Variants in PRKACB observed in about 807,000 individuals in gnomAD.
PRKACB encodes the protein cAMP-dependent protein kinase catalytic subunit beta.
A neutral mutation model predicts 51.4 loss-of-function variants in PRKACB; 16 were observed. The observed-to-expected ratio is 0.31, with a 90% confidence interval of 0.21 to 0.47. The LOEUF is 0.47. Ranked by LOEUF, PRKACB falls within the 20% of genes least tolerant of loss-of-function variation. PRKACB has a pLI of 1.00. For synonymous variants in PRKACB, 147 were observed against 154.4 expected, an observed-to-expected ratio of 0.95 and a Z score of 0.35; for missense variants, 309 against 464.5, an observed-to-expected ratio of 0.67 and a Z score of 3.08.
chr1:84,217,876 T>C (rs1256169808), intron 9 of PRKACB, among the ~76,000 whole-genome samples: 1 of 152,212 alleles, frequency 6.6e-6, no homozygotes, highest in Non-Finnish European at 1.5e-5. Flanking sequence ...AACTCTAACT[T>C]ATTTTTTGTT....
intron 4 of PRKACB, among the ~76,000 whole-genome samples, chr1:84,184,699 TGAA>T (rs1472589921): frequency 6.6e-6 from 1 of 151,956 alleles, no homozygotes; most frequent in African/African-American, 2.4e-5. Flanking sequence ...TTAAATTAAA[TGAA>T]GACCTATGTA....
At chr1:84,207,889 A>G (rs138225572) in intron 8 of PRKACB, among the ~76,000 whole-genome samples, 99 of 151,680 alleles carry the variant, frequency 6.5e-4, no homozygotes, top group African/African-American at 2.4e-3. Context: ...CTTTTTTGAG[A>G]TGGAATCTTG....
chr1:84,175,520 A>G (rs1406972654), intron 1 of PRKACB, among the ~76,000 whole-genome samples: 1 of 151,808 alleles, frequency 6.6e-6, no homozygotes. Flanking sequence ...AAATGTTAAT[A>G]GTGAAACATT....
intron 9 of PRKACB, among the ~76,000 whole-genome samples, chr1:84,221,193 G>T (rs1673648952): frequency 6.6e-6 from 1 of 151,938 alleles, no homozygotes; most frequent in African/African-American, 2.4e-5. Context: ...ATGTGTCCAA[G>T]AATTTATCTA....
intron 9 of PRKACB, among the ~76,000 whole-genome samples, chr1:84,219,091 G>T (rs1673290515): frequency 6.6e-6 from 1 of 152,114 alleles, no homozygotes; most frequent in Non-Finnish European, 1.5e-5. Flanking sequence ...TCAACAGGTT[G>T]TCTCTTTACT....
At chr1:84,224,670 G>T (rs1177457833) in intron 9 of PRKACB, among the ~76,000 whole-genome samples, 2 of 152,094 alleles carry the variant, frequency 1.3e-5, no homozygotes, top group Non-Finnish European at 2.9e-5. Context: ...GTGCACGTGG[G>T]CACAGGCTGT....
At chr1:84,209,384 C>G (rs925344747) in intron 8 of PRKACB, among the ~76,000 whole-genome samples, 1 of 152,134 alleles carries the variant, frequency 6.6e-6, no homozygotes, top group African/African-American at 2.4e-5. Flanking sequence ...CACCCACCCC[C>G]CTCCACGAAG....
At chr1:84,128,095 A>G (rs1364202156) in intron 1 of PRKACB, among the ~76,000 whole-genome samples, 2 of 124,028 alleles carry the variant, frequency 1.6e-5, no homozygotes, top group Non-Finnish European at 3.3e-5. Flanking sequence ...TGCAACCTTC[A>G]CCTCCCAGGT....
chr1:84,210,820 C>T (rs1672018908), intron 8 of PRKACB, among the ~76,000 whole-genome samples: 1 of 152,084 alleles, frequency 6.6e-6, no homozygotes, highest in Non-Finnish European at 1.5e-5. Flanking sequence ...TCACTAATTC[C>T]AGTTTGATAA....
chr1:84,110,504 CT>C (rs986894056), intron 1 of PRKACB, among the ~76,000 whole-genome samples: 8 of 151,770 alleles, frequency 5.3e-5, no homozygotes, highest in Non-Finnish European at 7.4e-5. Flanking sequence ...CAAAACCAAA[CT>C]TTTTAATTAG....
At chr1:84,119,608 A>T (rs990087810) in intron 1 of PRKACB, among the ~76,000 whole-genome samples, 4 of 152,146 alleles carry the variant, frequency 2.6e-5, no homozygotes, top group Non-Finnish European at 5.9e-5. Context: ...ATATTCACTC[A>T]TATCATTTAG....
chr1:84,130,832 T>C (rs536718642), intron 1 of PRKACB, among the ~76,000 whole-genome samples: 1 of 152,296 alleles, frequency 6.6e-6, no homozygotes, highest in Non-Finnish European at 1.5e-5. Flanking sequence ...TGGAACTTCA[T>C]GAAGGAAAGG....
chr1:84,127,908 T>C lies in PRKACB; in HGVS notation c.46+49537T>C, dbSNP rs76810407. ...ATTTTTTGTTTAAAGTAAGCCAATT[T>C]GCCAAATTTTACATTGTGTAAAAAA... On this transcript the variant is annotated intron_variant, in intron 1 of 8. Coordinates refer to the PRKACB transcript ENST00000370688. 2.0e-5 allele frequency among the ~76,000 whole-genome samples: 3 copies of C among 152,020 alleles called. No individual in the cohort carries two copies. The East Asian group carries it at 5.8e-4, about 29-fold the overall frequency.
chr1:84,130,121 C>T (rs142693071), intron 1 of PRKACB, among the ~76,000 whole-genome samples: 1,986 of 129,784 alleles, frequency 0.015, 49 homozygotes, highest in African/African-American at 0.053. Context: ...ACCTGGGAGG[C>T]GGAGCTTGCA....
intron 7 of PRKACB, among the ~76,000 whole-genome samples, chr1:84,199,060 C>T (rs1464481061): frequency 4.1e-5 from 2 of 48,236 alleles, no homozygotes; most frequent in Non-Finnish European, 1.6e-4. Flanking sequence ...TATATATATG[C>T]GTATATATGC....
At chr1:84,220,127 T>C (rs1321032181) in intron 9 of PRKACB, among the ~76,000 whole-genome samples, 1 of 152,160 alleles carries the variant, frequency 6.6e-6, no homozygotes, top group Non-Finnish European at 1.5e-5. Context: ...TTTTAATTTC[T>C]TTCATCAGTG....
At chr1:84,128,070 G>T (rs1651804909) in intron 1 of PRKACB, among the ~76,000 whole-genome samples, 1 of 131,520 alleles carries the variant, frequency 7.6e-6, no homozygotes, top group African/African-American at 2.9e-5. Flanking sequence ...GTGCAATGGT[G>T]TGATCTCGGC....
upstream of PRKACB, chr1:84,144,226 G>C: frequency 1.4e-6 from 2 of 1,441,116 alleles, no homozygotes; most frequent in African/African-American, 1.5e-5. Flanking sequence ...ACAGGAAACA[G>C]AACAGCAGTA....
In PRKACB at chr1:84,144,343, A is replaced by G. The variant is rs747789034; in HGVS notation, c.-19A>G. Reference sequence around the variant, plus strand: ...GGAAACATTTGCAGTTACATTAAGTAAAGTGTAAATGCACATGAATGGCAG... The same window carrying G: ...GGAAACATTTGCAGTTACATTAAGTGAAGTGTAAATGCACATGAATGGCAG... On this transcript the variant is annotated 5_prime_UTR_variant, in exon 1 of 10. Coordinates refer to ENST00000370685, the MANE Select transcript of PRKACB (RefSeq NM_182948.4). 6.2e-7 allele frequency: 1 copy of G among 1,606,142 alleles called. No homozygotes were observed. The highest frequency in any genetic ancestry group is 8.5e-7 in the Non-Finnish European group (1 of 1,177,408).
Sources: allele counts gnomAD v4.1 joint callset (sites outside exome capture counted in the v4.1 genomes callset), GRCh38; gene constraint gnomAD v4.1.1; transcripts MANE v1.5; gene names NCBI Gene and HGNC (gene_info 2026-07-23, HGNC 2026-07-21).